Variants in SFTPA2 observed in about 807,000 individuals in gnomAD.
SFTPA2 encodes surfactant protein A2, also known as pulmonary surfactant-associated protein A2.
SFTPA2 carries 21 observed loss-of-function variants against 20.3 expected under a neutral mutation model. The observed-to-expected ratio is 1.03, with a 90% CI of 0.73 to 1.49. The LOEUF is 1.49. Among genes scored for constraint, SFTPA2 ranks in the 40% most tolerant of loss-of-function variants. The pLI, the probability that SFTPA2 is intolerant of heterozygous loss-of-function variation, is 0.00. For missense variants in SFTPA2, 302 were observed against 314.8 expected, an observed-to-expected ratio of 0.96 and a Z score of 0.31; for synonymous variants, 116 against 118.7, an observed-to-expected ratio of 0.98 and a Z score of 0.15.
rs772852166 is a variant in SFTPA2, at chr10:79,559,439, G to A, written c.45C>T (p.Ala15=). 3.0e-5 allele frequency: 49 copies of A among 1,613,534 alleles called. No homozygotes were observed. Among genetic ancestry groups the A allele is most frequent in the Non-Finnish European group, 3.5e-5 (41 of 1,179,796 alleles). ...PLALTLILMA[A]SGAACEVKDV... is the part of the protein sequence containing the mutation. Reference sequence around the variant, plus strand: ...CCTTCACTTCGCACGCAGCACCAGAGGCTGCCATCAAGATGAGGGTGAGGG... The same window carrying A: ...CCTTCACTTCGCACGCAGCACCAGAAGCTGCCATCAAGATGAGGGTGAGGG... The change falls in exon 3 of 6, where the codon GCC becomes GCT. Residue 15 remains alanine (A), a synonymous_variant. Coordinates refer to ENST00000372325, the MANE Select transcript of SFTPA2 (RefSeq NM_001098668.4).
rs182465294 is a variant in SFTPA2 at position 79,558,875 on chromosome 10, G to C, written c.292+11C>G. ...CATGTTTCCACTGCCCACCTGCCCC[G>C]CCCTGCTCACCTGGAGGGCCTCTCT... On this transcript the variant is annotated intron_variant, in intron 4 of 5. Coordinates refer to ENST00000372325, the MANE Select transcript of SFTPA2 (RefSeq NM_001098668.4). 6.2e-7 allele frequency: 1 copy of C among 1,613,898 alleles called. No individual in the cohort carries two copies. The highest frequency in any genetic ancestry group is 8.5e-7 in the Non-Finnish European group (1 of 1,179,960).
chr10:79,557,896 T>G (rs17886197), intron 5 of SFTPA2, among the ~76,000 whole-genome samples, 156 bp downstream of exon 5: 17,054 of 152,208 alleles, frequency 0.11, 1,106 homozygotes, highest in East Asian at 0.29. Flanking sequence ...TGTCTCCTCT[T>G]GGCCATTCAA....
Position 79,558,035 on chromosome 10 carries a change from C to T in SFTPA2, c.370+17G>A, listed in dbSNP as rs763265709. Reference sequence around the variant, plus strand: ...GTGGGAAACTCCTACCCCGTGAGGCCCAGGGGGTCCCCTTACCTCCCCTTG... The same window carrying T: ...GTGGGAAACTCCTACCCCGTGAGGCTCAGGGGGTCCCCTTACCTCCCCTTG... On this transcript the variant is annotated intron_variant, in intron 5 of 5. Coordinates refer to ENST00000372325, the MANE Select transcript of SFTPA2 (RefSeq NM_001098668.4). The T allele has an allele frequency of 1.2e-6, 2 of 1,614,052 alleles. No homozygotes were observed. Among genetic ancestry groups the T allele is most frequent in the Admixed American group, 3.3e-5 (2 of 60,020 alleles).
rs763637307 is a variant in SFTPA2, at chr10:79,559,002, G to A, written c.176C>T (p.Pro59Leu). Residue 59 changes from proline (P) to leucine (L), a missense_variant, in exon 4 of 6, where the codon CCC becomes CTC. By Grantham distance (98) the Pro-to-Leu change is moderately conservative. Coordinates refer to ENST00000372325, the MANE Select transcript of SFTPA2 (RefSeq NM_001098668.4). ...TGGTGTTTCTCCAGGCGGACCCATG[G>A]GGCCTGCAGAGAAAAGAGACATGGA... is the stretch of plus-strand genomic sequence containing the variant. Reference protein sequence around the residue: ...GVKGDPGPPGPMGPPGETPCP... With the variant: ...GVKGDPGPPGLMGPPGETPCP... 7.4e-6 allele frequency: 12 copies of A among 1,614,014 alleles called. No homozygotes were observed. Among genetic ancestry groups the A allele is most frequent in the Admixed American group, 1.7e-5 (1 of 60,008 alleles).
chr10:79,558,717 C>T (rs1858962824), intron 4 of SFTPA2, among the ~76,000 whole-genome samples, 169 bp downstream of exon 4: 1 of 152,182 alleles, frequency 6.6e-6, no homozygotes. Context: ...TGTGACCACA[C>T]TCCCCAGACA....
Position 79,558,958 on chromosome 10 carries a change from C to G in SFTPA2, c.220G>C (p.Gly74Arg). Residue 74 changes from glycine to arginine, a missense_variant, in exon 4 of 6, where the codon GGG becomes CGG. Gly to Arg is a moderately radical substitution (Grantham distance 125, BLOSUM62 -2). Around this residue, in one of 3 missense-constraint regions of SFTPA2, gnomAD observed 264 missense variants for 261.7 expected, o/e 1.01. Coordinates refer to ENST00000372325, the MANE Select transcript of SFTPA2 (RefSeq NM_001098668.4). ...GETPCPPGNN[G>R]LPGAPGVPGE... is the part of the protein sequence containing the mutation. ...GGGACACCAGGGGCTCCAGGCAGCC[C>G]ATTATTCCCAGGAGGACATGGTGTT... 6.2e-7 allele frequency: 1 copy of G among 1,614,154 alleles called. No individual in the cohort carries two copies. The highest frequency in any genetic ancestry group is 8.5e-7 in the Non-Finnish European group (1 of 1,180,032).
In SFTPA2 at chr10:79,557,520, T is replaced by C; in HGVS notation, c.436A>G (p.Ile146Val). The C allele has an allele frequency of 6.2e-7, 1 of 1,613,368 alleles. No individual in the cohort carries two copies. ...EKVFSSNGQS[I>V]TFDAIQEACA... ...GCCTCCTGAATGGCATCAAAAGTGA[T>C]GGACTGCCCATTGCTGGAGAAGACC... Residue 146 changes from isoleucine to valine, a missense_variant, in exon 6 of 6, where the codon ATC (isoleucine) becomes GTC (valine). Physicochemically the swap from Ile to Val is conservative, Grantham distance 29 (BLOSUM62 3). Around this residue, in one of 3 missense-constraint regions of SFTPA2, gnomAD observed 264 missense variants for 261.7 expected, o/e 1.01. Transcript: ENST00000372325.
Position 79,556,618 on chromosome 10 carries a change from G to T in SFTPA2, c.*591C>A, listed in dbSNP as rs549528528. The T allele has an allele frequency of 1.8e-5, 3 of 163,148 alleles. No homozygotes were observed. Among genetic ancestry groups the T allele is most frequent in the East Asian group, 3.4e-4 (2 of 5,820 alleles). The allele number at this position is 163,148 out of a possible 1,614,324, so 10.1% of individuals were successfully genotyped here. A position where few individuals can be genotyped will look rare whatever the true frequency, so the allele number is the denominator to read the frequency against. On this transcript the variant is annotated 3_prime_UTR_variant, in exon 6 of 6. Transcript: ENST00000372325. ...ACAGGGTTGGCTTGGGCACCACCGT[G>T]CTGGGGCACCACTGGGCCCTCTGAC... is the stretch of plus-strand genomic sequence containing the variant.
intron 2 of SFTPA2, 45 bp from the exon 3 acceptor site, chr10:79,559,551 A>T (rs768006845): frequency 6.2e-7 from 1 of 1,607,676 alleles, no homozygotes; most frequent in Non-Finnish European, 8.5e-7. Flanking sequence ...CTCTGCCAAC[A>T]TCTCCCCCAC....
rs371677083 is a variant in SFTPA2 at position 79,559,524 on chromosome 10, G to T, written c.-23-18C>A. On this transcript the variant is annotated intron_variant, in intron 2 of 5. Transcript: ENST00000372325. ...CGCTGCTCCTGCCGGAGGGATGGCC[G>T]TGAGCCCATCTGCCACCTCTGCCAA... 1.9e-6 allele frequency: 3 copies of T among 1,608,750 alleles called. No homozygotes were observed. The South Asian group carries it at 3.3e-5, about 18-fold the overall frequency.
At chr10:79,558,237 G>A in intron 4 of SFTPA2, 108 bp from the exon 5 acceptor site, 3 of 1,604,444 alleles carry the variant, frequency 1.9e-6, no homozygotes, top group African/African-American at 1.3e-5. Context: ...CCCTTTCATT[G>A]CTGTTAGGCA....
At chr10:79,559,792 T>C in intron 2 of SFTPA2, 177 bp downstream of exon 2, 1 of 1,441,246 alleles carries the variant, frequency 6.9e-7, no homozygotes, top group Non-Finnish European at 9.2e-7. Flanking sequence ...CAGTGCAGTC[T>C]CCTTTCTTTC....
At chr10:79,560,162 A>T (rs1197742228) in intron 1 of SFTPA2, 164 bp from the exon 2 acceptor site, 3 of 316,774 alleles carry the variant, frequency 9.5e-6, no homozygotes, top group Non-Finnish European at 1.4e-5. Context: ...GTAGGGATGG[A>T]TCTGGCCAAG....
Position 79,557,524 on chromosome 10 carries a change from C to T in SFTPA2, c.432G>A (p.Gln144=). Reference sequence around the variant, plus strand: ...CCTGAATGGCATCAAAAGTGATGGACTGCCCATTGCTGGAGAAGACCTTCT... The same window carrying T: ...CCTGAATGGCATCAAAAGTGATGGATTGCCCATTGCTGGAGAAGACCTTCT... ...VGEKVFSSNG[Q]SITFDAIQEA... is the part of the protein sequence containing the mutation. Residue 144 remains glutamine (Q), a synonymous_variant, in exon 6 of 6, where the codon CAG becomes CAA. Coordinates refer to ENST00000372325, the MANE Select transcript of SFTPA2 (RefSeq NM_001098668.4). 1.2e-6 allele frequency: 2 copies of T among 1,613,248 alleles called. No homozygotes were observed. The highest frequency in any genetic ancestry group is 1.7e-6 in the Non-Finnish European group (2 of 1,179,532).
rs1253200594 is a variant in SFTPA2 at position 79,558,070 on chromosome 10, T to C, written c.352A>G (p.Ile118Val). The C allele has an allele frequency of 1.2e-6, 2 of 1,613,902 alleles. No homozygotes were observed. The change falls in exon 5 of 6, where the codon ATC (isoleucine) becomes GTC (valine). Residue 118 changes from isoleucine to valine, a missense_variant. Coordinates refer to ENST00000372325, the MANE Select transcript of SFTPA2 (RefSeq NM_001098668.4). ...QATLHDFRHQ[I>V]LQTRGALSLQ... ...CCCTTACCTCCCCTTGTCTGCAGGA[T>C]TTGATGTCTGAAGTCGTGGAGTGTG...
intron 2 of SFTPA2, 160 bp from the exon 3 acceptor site, chr10:79,559,666 A>G: frequency 1.3e-6 from 2 of 1,553,904 alleles, no homozygotes; most frequent in Non-Finnish European, 1.7e-6. Flanking sequence ...TCCAAGCATC[A>G]CCTGGCACCT....
In SFTPA2 at chr10:79,556,273, G is replaced by A. The variant is rs1056565604; in HGVS notation, c.*936C>T. The A allele has an allele frequency of 3.0e-5, 5 of 167,972 alleles. No homozygotes were observed. The highest frequency in any genetic ancestry group is 2.6e-4 in the Admixed American group (4 of 15,270). The allele number at this position is 167,972 out of a possible 1,614,324, so 10.4% of individuals were successfully genotyped here. On this transcript the variant is annotated 3_prime_UTR_variant, in exon 6 of 6. Coordinates refer to ENST00000372325, the MANE Select transcript of SFTPA2 (RefSeq NM_001098668.4). ...TCACAGATGAAGATATAGGCTCAGG[G>A]AAAATAAATAAATATCCCCAAGAGT...
rs190302311 is a variant in SFTPA2 at position 79,558,790 on chromosome 10, A to T, written c.292+96T>A. On this transcript the variant is annotated intron_variant, in intron 4 of 5. Coordinates refer to ENST00000372325, the MANE Select transcript of SFTPA2 (RefSeq NM_001098668.4). ...AGGTTGAGCCAAATGCCCTTGGGGA[A>T]CCTGCAGGGTTTGTCTGACCCCCAT... 8,467 of 1,570,040 alleles carry T rather than the reference A, an allele frequency of 5.4e-3. 32 individuals are homozygous for T. Among genetic ancestry groups the T allele is most frequent in the Non-Finnish European group, 6.6e-3 (7,522 of 1,142,002 alleles).
At chr10:79,558,746 A>C (rs1390957109) in intron 4 of SFTPA2, 140 bp downstream of exon 4, 1 of 1,467,314 alleles carries the variant, frequency 6.8e-7, no homozygotes, top group Non-Finnish European at 9.5e-7. Context: ...TTCTCCCTCA[A>C]ATTCATATTC....
Sources: gnomAD v4.1 joint callset for allele counts (sites outside exome capture counted in the v4.1 genomes callset) on GRCh38, gnomAD v4.1.1 for gene constraint, gnomAD v4.1.1 regional missense constraint, MANE v1.5 for transcripts, NCBI Gene and HGNC (gene_info 2026-07-23, HGNC 2026-07-21) for gene names.